Variants in CDK6 observed in about 807,000 individuals in gnomAD.
CDK6 encodes cyclin-dependent kinase 6.
A neutral mutation model predicts 37.1 loss-of-function variants in CDK6; 6 were observed. The observed-to-expected ratio is 0.16, with a 90% CI of 0.09 to 0.32. The LOEUF is 0.32. CDK6 is among the 10% of genes least tolerant of loss of function. The pLI is 1.00. For synonymous variants in CDK6, 160 were observed against 161.3 expected (o/e 0.99, Z 0.06); for missense variants, 224 against 418.9 (o/e 0.53, Z 4.06).
At chr7:92,809,297 C>T (rs1040797959) in intron 2 of CDK6, among the ~76,000 whole-genome samples, 6 of 152,124 alleles carry the variant, frequency 3.9e-5, no homozygotes, top group African/African-American at 1.2e-4. Context: ...TTTTCATCTC[C>T]AAATGTGCTC....
rs2116469804 is a variant in CDK6, at chr7:92,611,895, A to G, written c.*3245T>C. The G allele has an allele frequency of 4.3e-6, 1 of 232,642 alleles. No homozygotes were observed. The allele number at this position is 232,642 out of a possible 1,614,324, so 14.4% of individuals were successfully genotyped here. A position where few individuals can be genotyped will look rare whatever the true frequency, so the allele number is the denominator to read the frequency against. ...GTGCTTCCTGAGAGAAAATCATGAGAATACAGGGGGCTGAAATGGCCCCAA... is the reference window on the plus strand; with the variant it reads ...GTGCTTCCTGAGAGAAAATCATGAGGATACAGGGGGCTGAAATGGCCCCAA... On this transcript the variant is annotated 3_prime_UTR_variant, in exon 8 of 8. Transcript: ENST00000424848.
At chr7:92,702,340 G>A (rs1797870885) in intron 4 of CDK6, among the ~76,000 whole-genome samples, 1 of 129,804 alleles carries the variant, frequency 7.7e-6, no homozygotes, top group Non-Finnish European at 1.6e-5. Flanking sequence ...TCAAGTGATT[G>A]TCCTGTCTTA....
chr7:92,716,227 A>G (rs1313918532), intron 4 of CDK6, among the ~76,000 whole-genome samples: 1 of 152,222 alleles, frequency 6.6e-6, no homozygotes, highest in Non-Finnish European at 1.5e-5. Flanking sequence ...TCATTTGTAA[A>G]AGCAGGGAGT....
At chr7:92,774,920 T>C in intron 2 of CDK6, 89 bp from the exon 3 acceptor site, 1 of 1,285,306 alleles carries the variant, frequency 7.8e-7, no homozygotes, top group Non-Finnish European at 1.1e-6. Flanking sequence ...TTTGGTCTCA[T>C]AATAGAAAAA....
intron 2 of CDK6, among the ~76,000 whole-genome samples, chr7:92,820,782 C>T (rs192099983): frequency 1.3e-5 from 2 of 152,074 alleles, no homozygotes; most frequent in Non-Finnish European, 1.5e-5. Flanking sequence ...AGAACTAGAG[C>T]AACAGCATAT....
chr7:92,650,968 C>A (rs1330184777), intron 5 of CDK6, among the ~76,000 whole-genome samples: 2 of 152,042 alleles, frequency 1.3e-5, no homozygotes, highest in African/African-American at 4.8e-5. Context: ...CGGCTCACTG[C>A]AACCTCTGCC....
chr7:92,751,564 G>T (rs994489307), intron 3 of CDK6, among the ~76,000 whole-genome samples: 5 of 152,128 alleles, frequency 3.3e-5, no homozygotes, highest in Non-Finnish European at 7.4e-5. Flanking sequence ...CATAAAAACT[G>T]TTATCACATA....
At chr7:92,646,336 G>T (rs1435713110) in intron 5 of CDK6, among the ~76,000 whole-genome samples, 1 of 151,756 alleles carries the variant, frequency 6.6e-6, no homozygotes, top group Non-Finnish European at 1.5e-5. Context: ...TCAGGTTTTT[G>T]CTATCTTCCA....
At chr7:92,679,790 G>A (rs1395114817) in intron 4 of CDK6, among the ~76,000 whole-genome samples, 4 of 151,312 alleles carry the variant, frequency 2.6e-5, no homozygotes, top group Middle Eastern at 6.8e-3. Context: ...GTGTGATCTC[G>A]GCTCACTGCA....
rs553816373 is a variant in CDK6 at position 92,698,886 on chromosome 7, A to AT, written c.537+26739dup. ...CTCTTAATATTCATGTAATTAATTTATTTTTTTCTCATTCAGTTATAAGCC... is the reference window on the plus strand; with the variant it reads ...CTCTTAATATTCATGTAATTAATTTATTTTTTTTCTCATTCAGTTATAAGCC... On this transcript the variant is annotated intron_variant, in intron 4 of 7. Transcript: ENST00000424848. 4.6e-5 allele frequency among the ~76,000 whole-genome samples: 7 copies of AT among 152,150 alleles called. No homozygotes were observed. The South Asian group carries it at 1.0e-3, about 23-fold the overall frequency.
intron 5 of CDK6, among the ~76,000 whole-genome samples, chr7:92,664,942 C>G (rs879571563): frequency 6.6e-6 from 1 of 151,888 alleles, no homozygotes; most frequent in Non-Finnish European, 1.5e-5. Context: ...CATGCCACCA[C>G]GCTCAGCTAA....
At chr7:92,788,741 C>T (rs938425991) in intron 2 of CDK6, among the ~76,000 whole-genome samples, 5 of 152,174 alleles carry the variant, frequency 3.3e-5, no homozygotes, top group African/African-American at 1.2e-4. Context: ...ACTCATCACA[C>T]ACAAGGGATC....
intron 2 of CDK6, among the ~76,000 whole-genome samples, chr7:92,829,966 A>G (rs1390229158): frequency 6.6e-6 from 1 of 152,214 alleles, no homozygotes; most frequent in Non-Finnish European, 1.5e-5. Flanking sequence ...AGAGTCTGGC[A>G]CATAGTGGAC....
In CDK6 at chr7:92,833,709, G is replaced by T. The variant is rs549131002; in HGVS notation, c.-367-19C>A. The T allele has an allele frequency of 4.0e-4, 176 of 434,656 alleles. 2 individuals carry two copies. The highest frequency in any genetic ancestry group is 3.0e-3 in the African/African-American group (146 of 48,870). 26.9% of individuals were successfully genotyped at this position (434,656 alleles called of 1,614,324 possible). A position where few individuals can be genotyped will look rare whatever the true frequency, so the allele number is the denominator to read the frequency against. On this transcript the variant is annotated intron_variant, in intron 1 of 7. Transcript: ENST00000424848. This position sits in a 1 kb window ranked among gnomAD's most constrained non-coding sequence, Gnocchi z 6.1. ...ATTGCACCTAAAGGAGGAGACGGGAGGATAAGAAGAAAGTGCAATCAGACA... is the reference window on the plus strand; with the variant it reads ...ATTGCACCTAAAGGAGGAGACGGGATGATAAGAAGAAAGTGCAATCAGACA...
At chr7:92,728,430 T>G (rs371742178) in intron 3 of CDK6, among the ~76,000 whole-genome samples, 1 of 152,244 alleles carries the variant, frequency 6.6e-6, no homozygotes. Flanking sequence ...CAATTCATTA[T>G]CAACATTTTG....
rs996749342 is a variant in CDK6 at position 92,835,484 on chromosome 7, G to T, written c.-368+994C>A. 9.9e-5 allele frequency among the ~76,000 whole-genome samples: 15 copies of T among 151,566 alleles called. No individual in the cohort carries two copies. The highest frequency in any genetic ancestry group is 3.3e-4 in the Admixed American group (5 of 15,248). The stretch of plus-strand genomic sequence containing the variant: ...CCCCCCCTCTCCTCCACTTTTTTTT[G>T]TTGTTGTTGTTGCTTTCCCACGCTG... On this transcript the variant is annotated intron_variant, in intron 1 of 7. Transcript: ENST00000424848. This position sits in a 1 kb window ranked among gnomAD's most constrained non-coding sequence, Gnocchi z 4.2.
chr7:92,802,398 G>C (rs751559361), intron 2 of CDK6, among the ~76,000 whole-genome samples: 6 of 152,146 alleles, frequency 3.9e-5, no homozygotes, highest in Non-Finnish European at 8.8e-5. Flanking sequence ...AGGAATTCCA[G>C]TTTATTAAAA....
intron 4 of CDK6, among the ~76,000 whole-genome samples, chr7:92,717,101 C>T (rs539389560): frequency 6.6e-6 from 1 of 152,046 alleles, no homozygotes; most frequent in South Asian, 2.1e-4. Context: ...AATCTCAGCA[C>T]TTTGGGAGGC....
chr7:92,783,267 G>C (rs1438541108), intron 2 of CDK6, among the ~76,000 whole-genome samples: 1 of 152,148 alleles, frequency 6.6e-6, no homozygotes, highest in Non-Finnish European at 1.5e-5. Context: ...AAAGATACAG[G>C]GTTCAATTAA....
Sources: allele counts gnomAD v4.1 joint callset (sites outside exome capture counted in the v4.1 genomes callset), GRCh38; gene constraint gnomAD v4.1.1; non-coding constraint Gnocchi (gnomAD v3.1); transcripts MANE v1.5; gene names NCBI Gene and HGNC (gene_info 2026-07-23, HGNC 2026-07-21).